CAPRIN2: variants seen among roughly 807,000 people sequenced by gnomAD.
CAPRIN2 encodes the protein caprin family member 2.
In CAPRIN2, 66 loss-of-function variants were observed where a neutral mutation model predicts 130.4. The observed-to-expected ratio is 0.51, with a 90% confidence interval of 0.42 to 0.62. The LOEUF is 0.62. CAPRIN2 is among the 20% of genes least tolerant of loss of function. The pLI, the probability that CAPRIN2 is intolerant of heterozygous loss-of-function variation, is 0.00. For synonymous variants in CAPRIN2, 471 were observed against 444.1 expected, an observed-to-expected ratio of 1.06 and a Z score of -0.76; for missense variants, 1,185 against 1,246.6, an observed-to-expected ratio of 0.95 and a Z score of 0.74.
chr12:30,746,419 C>T (rs968128780), intron 2 of CAPRIN2, among the ~76,000 whole-genome samples: 22 of 152,140 alleles, frequency 1.4e-4, no homozygotes, highest in African/African-American at 4.8e-4. Context: ...CGACAAAAAC[C>T]ACAGAATGTA....
chr12:30,716,057 T>C (rs943218936), intron 13 of CAPRIN2: 9 of 156,680 alleles, frequency 5.7e-5, no homozygotes, highest in African/African-American at 2.2e-4. Context: ...GCATGAAAAA[T>C]CAAAATAGCC....
At chr12:30,753,064 T>C (rs1158635711) in intron 1 of CAPRIN2, among the ~76,000 whole-genome samples, 1 of 152,224 alleles carries the variant, frequency 6.6e-6, no homozygotes, top group Non-Finnish European at 1.5e-5. Flanking sequence ...GAAACATTAA[T>C]ACTACATAAG....
At chr12:30,749,304 C>T (rs10771767) in intron 2 of CAPRIN2, among the ~76,000 whole-genome samples, 73,550 of 151,888 alleles carry the variant, frequency 0.48, 18,331 homozygotes, top group African/African-American at 0.55. Flanking sequence ...GCTTTGTAGA[C>T]ACACTAAGGA....
chr12:30,714,982 T>C (rs146782451), exon 14 of CAPRIN2: 177 of 1,613,776 alleles, frequency 1.1e-4, no homozygotes, highest in East Asian at 3.8e-4. Context: ...AGGGGACCGA[T>C]AGGAATTGGT....
intron 12 of CAPRIN2, chr12:30,720,550 T>C (rs990628486): frequency 7.2e-6 from 2 of 277,356 alleles, no homozygotes; most frequent in East Asian, 1.3e-4. Flanking sequence ...GACTTAATGC[T>C]ACCTACACTT....
At chr12:30,734,675 T>C (rs937459974) in intron 4 of CAPRIN2, among the ~76,000 whole-genome samples, 1 of 152,164 alleles carries the variant, frequency 6.6e-6, no homozygotes, top group Non-Finnish European at 1.5e-5. Flanking sequence ...TAAAATTTGA[T>C]GCTCAGACCT....
intron 6 of CAPRIN2, among the ~76,000 whole-genome samples, 158 bp from the exon 8 acceptor site, chr12:30,730,440 T>C (rs1011119361): frequency 1.3e-5 from 2 of 152,238 alleles, no homozygotes; most frequent in African/African-American, 4.8e-5. Context: ...ATTATATTCC[T>C]TGTTAGTCCA....
chr12:30,727,647 G>T (rs923723521), intron 8 of CAPRIN2, among the ~76,000 whole-genome samples: 1 of 152,164 alleles, frequency 6.6e-6, no homozygotes, highest in East Asian at 1.9e-4. Context: ...CTGTACCCAA[G>T]AATTATTCAA....
At chr12:30,723,365 G>T in intron 10 of CAPRIN2, 51 bp from the exon 12 acceptor site, 1 of 1,256,886 alleles carries the variant, frequency 8.0e-7, no homozygotes, top group Non-Finnish European at 1.1e-6. Context: ...AAAAGCTTAC[G>T]CATATCAACT....
At position 30,751,165 on chromosome 12, in the gene CAPRIN2, C is replaced by CT; in HGVS notation, c.421-33dup. On this transcript the variant is annotated intron_variant, in intron 1 of 16. Coordinates refer to ENST00000298892, the Ensembl canonical transcript of CAPRIN2. ...AAGAGAAACTTGTATCTACCATAGT[C>CT]TGACATAAAATTCAGAAGCAAATAA... 1.9e-6 allele frequency: 3 copies of CT among 1,569,522 alleles called. 1 individual carries two copies. In the South Asian group the frequency reaches 3.3e-5, roughly 17 times the overall value.
At chr12:30,730,018 A>G (rs548487666) in intron 7 of CAPRIN2, among the ~76,000 whole-genome samples, 1 of 152,300 alleles carries the variant, frequency 6.6e-6, no homozygotes, top group Admixed American at 6.5e-5. Context: ...TTTAATCCTC[A>G]CAATAACCCC....
At chr12:30,730,915 T>C (rs887888974) in intron 6 of CAPRIN2, among the ~76,000 whole-genome samples, 12 of 152,190 alleles carry the variant, frequency 7.9e-5, no homozygotes, top group Admixed American at 2.6e-4. Flanking sequence ...TTTAAAAGTA[T>C]ATTTTCTTTA....
At chr12:30,719,035 A>G (rs1476043562) in intron 12 of CAPRIN2, 44 bp downstream of exon 14, 1 of 1,571,666 alleles carries the variant, frequency 6.4e-7, no homozygotes, top group East Asian at 2.3e-5. Context: ...ATGGCTTTTA[A>G]CAGGAATAAT....
rs368121707 is a variant in CAPRIN2 at position 30,716,594 on chromosome 12, C to T, written c.2231G>A (p.Ser744Asn). The change falls in exon 13 of 17, where the codon AGT (serine) becomes AAT (asparagine). Residue 744 changes from serine to asparagine, a missense_variant. This residue lies in a region of CAPRIN2 where 1,104 missense variants were observed against 1,104.3 expected (regional missense o/e 1.00). Coordinates refer to ENST00000298892, the Ensembl canonical transcript of CAPRIN2. ...TGTTTGTGTACTTGCTGTGGTAAAA[C>T]TTTGATTGTAGCCAGGTGAATAAGG... is the stretch of plus-strand genomic sequence containing the variant. The T allele has an allele frequency of 1.0e-4, 167 of 1,613,856 alleles. No individual in the cohort carries two copies. Among genetic ancestry groups the T allele is most frequent in the Non-Finnish European group, 1.3e-4 (153 of 1,179,944 alleles).
At chr12:30,711,571 G>C (rs150085536) in exon 16 of CAPRIN2, 1 of 1,612,816 alleles carries the variant, frequency 6.2e-7, no homozygotes, top group Non-Finnish European at 8.5e-7. Flanking sequence ...CTTACCTCTC[G>C]AATTTGCTCG....
intron 11 of CAPRIN2, among the ~76,000 whole-genome samples, chr12:30,722,837 G>A (rs746295683): frequency 1.3e-5 from 2 of 152,098 alleles, no homozygotes; most frequent in Non-Finnish European, 1.5e-5. Flanking sequence ...AGGCAGACCA[G>A]ACGCTGCAGT....
At chr12:30,732,501 T>C (rs1030291821) in intron 5 of CAPRIN2, among the ~76,000 whole-genome samples, 5 of 151,998 alleles carry the variant, frequency 3.3e-5, no homozygotes, top group South Asian at 2.1e-4. Context: ...AACCATGATA[T>C]AGAGGATTTT....
intron 7 of CAPRIN2, among the ~76,000 whole-genome samples, 177 bp downstream of exon 8, chr12:30,730,062 A>G (rs554047301): frequency 1.3e-5 from 2 of 152,304 alleles, no homozygotes; most frequent in African/African-American, 2.4e-5. Flanking sequence ...CCTATTTTAC[A>G]TATGAGGATA....
At chr12:30,743,995 T>C (rs915390418) in intron 2 of CAPRIN2, among the ~76,000 whole-genome samples, 3 of 152,152 alleles carry the variant, frequency 2.0e-5, no homozygotes, top group African/African-American at 4.8e-5. Context: ...TAGTACAAAA[T>C]TGAGCTCTTT....
Sources: allele counts gnomAD v4.1 joint callset (sites outside exome capture counted in the v4.1 genomes callset), GRCh38; gene constraint gnomAD v4.1.1; regional missense constraint gnomAD v4.1.1; transcripts MANE v1.5; gene names NCBI Gene and HGNC (gene_info 2026-07-23, HGNC 2026-07-21).